The following PRKCB variants were observed in gnomAD, a reference collection of about 807,000 sequenced individuals.
The protein encoded by PRKCB is protein kinase C beta type.
In PRKCB, 13 loss-of-function variants were observed where a neutral mutation model predicts 81.5. The ratio of observed to expected loss-of-function variants is 0.16; its 90% CI spans 0.10 to 0.25. PRKCB has a LOEUF of 0.25. PRKCB is among the 10% of genes least tolerant of loss of function. The pLI, the probability that PRKCB is intolerant of heterozygous loss-of-function variation, is 1.00. For missense variants in PRKCB, 509 were observed against 875.7 expected (o/e 0.58, Z 5.29); for synonymous variants, 335 against 321.4 (o/e 1.04, Z -0.45).
chr16:24,053,000 C>T (rs1231500852), intron 5 of PRKCB, among the ~76,000 whole-genome samples: 1 of 152,202 alleles, frequency 6.6e-6, no homozygotes, highest in African/African-American at 2.4e-5. Context: ...ATTTTCAACT[C>T]TTTAAACTCT....
chr16:23,940,411 G>GA (rs1013317807), intron 2 of PRKCB, among the ~76,000 whole-genome samples: 162 of 148,612 alleles, frequency 1.1e-3, no homozygotes, highest in Middle Eastern at 3.4e-3. Flanking sequence ...AGCAAGCAAG[G>GA]AAAAAAAAAC....
chr16:23,869,027 G>T, intron 2 of PRKCB: 1 of 436,750 alleles, frequency 2.3e-6, no homozygotes, highest in Non-Finnish European at 4.6e-6. Context: ...GTGGTGGATT[G>T]TGTTGTTGTC....
intron 16 of PRKCB, among the ~76,000 whole-genome samples, chr16:24,201,443 C>A (rs1392064562): frequency 4.6e-5 from 7 of 152,088 alleles, no homozygotes; most frequent in Non-Finnish European, 8.8e-5. Flanking sequence ...ATAGCAACTC[C>A]CAATTTATGT....
At chr16:23,856,339 T>C (rs1236630746) in intron 2 of PRKCB, among the ~76,000 whole-genome samples, 1 of 152,194 alleles carries the variant, frequency 6.6e-6, no homozygotes, top group Non-Finnish European at 1.5e-5. Context: ...CCTTAACCCC[T>C]GTATCAGATT....
intron 16 of PRKCB, among the ~76,000 whole-genome samples, chr16:24,194,242 G>T (rs911067932): frequency 6.6e-6 from 1 of 152,000 alleles, no homozygotes; most frequent in Non-Finnish European, 1.5e-5. Context: ...ATAGAGAATC[G>T]CTTGAACCTG....
intron 16 of PRKCB, among the ~76,000 whole-genome samples, chr16:24,197,461 G>A (rs2141984159): frequency 6.6e-6 from 1 of 152,256 alleles, no homozygotes; most frequent in East Asian, 1.9e-4. Flanking sequence ...GGGAGAGCAA[G>A]GAGTGCAGGT....
intron 16 of PRKCB, among the ~76,000 whole-genome samples, chr16:24,198,650 T>G (rs933010232): frequency 8.5e-5 from 13 of 152,192 alleles, no homozygotes; most frequent in African/African-American, 3.1e-4. Context: ...CTGTGGAGTC[T>G]TAAGCGCTAA....
chr16:24,068,350 G>A (rs1966064007), intron 5 of PRKCB, among the ~76,000 whole-genome samples: 1 of 151,848 alleles, frequency 6.6e-6, no homozygotes, highest in Non-Finnish European at 1.5e-5. Flanking sequence ...GCCTTCCCTG[G>A]AAGCTTTGAT....
rs71379841 is a variant in PRKCB, at chr16:24,081,241, G to A, written c.530-11550G>A. Among the ~76,000 whole-genome samples, 582 of 151,354 alleles carry A rather than the reference G, an allele frequency of 3.8e-3. 2 individuals carry two copies. The highest frequency in any genetic ancestry group is 5.9e-3 in the Non-Finnish European group (401 of 67,930). On this transcript the variant is annotated intron_variant, in intron 5 of 16. Transcript: ENST00000643927. ...ACTCCGTCCAAATGAGTTTTATCCT[G>A]AGAATGCAAGCTGGCTTAATAATAA...
chr16:23,866,496 T>A (rs1962792615), intron 2 of PRKCB, among the ~76,000 whole-genome samples: 1 of 152,214 alleles, frequency 6.6e-6, no homozygotes, highest in African/African-American at 2.4e-5. Context: ...CCCAGAAGCC[T>A]ATTGTTTGTA....
intron 2 of PRKCB, among the ~76,000 whole-genome samples, chr16:23,919,922 C>T (rs548002054): frequency 6.6e-6 from 1 of 152,140 alleles, no homozygotes; most frequent in East Asian, 1.9e-4. Context: ...TTGGATTGCT[C>T]TCATCTTTTG....
At chr16:24,207,340 A>G (rs2141990895) in intron 16 of PRKCB, among the ~76,000 whole-genome samples, 1 of 152,356 alleles carries the variant, frequency 6.6e-6, no homozygotes, top group East Asian at 1.9e-4. Context: ...TTTTCTTATT[A>G]CAAAATAATA....
intron 5 of PRKCB, among the ~76,000 whole-genome samples, chr16:24,077,177 C>G (rs947966439): frequency 2.0e-5 from 3 of 151,814 alleles, no homozygotes; most frequent in African/African-American, 7.3e-5. Context: ...TTTGAAGATG[C>G]ACATGCACGT....
chr16:23,928,919 A>C (rs905006891), intron 2 of PRKCB, among the ~76,000 whole-genome samples: 45 of 152,022 alleles, frequency 3.0e-4, no homozygotes, highest in South Asian at 2.1e-4. Context: ...GGGTTTTGCC[A>C]TGTTGGCCAG....
chr16:23,924,891 A>G (rs1963875674), intron 2 of PRKCB, among the ~76,000 whole-genome samples: 1 of 152,150 alleles, frequency 6.6e-6, no homozygotes, highest in East Asian at 1.9e-4. Flanking sequence ...ACAAAACTGC[A>G]AAGTCTCCTT....
chr16:24,121,434 T>TA (rs1966797281), intron 8 of PRKCB, among the ~76,000 whole-genome samples: 1 of 152,206 alleles, frequency 6.6e-6, no homozygotes, highest in Non-Finnish European at 1.5e-5. Flanking sequence ...TGGAGTGCAA[T>TA]ACAGTGATCA....
At chr16:24,119,525 G>T (rs1019145407) in intron 8 of PRKCB, among the ~76,000 whole-genome samples, 1 of 152,106 alleles carries the variant, frequency 6.6e-6, no homozygotes, top group Non-Finnish European at 1.5e-5. Flanking sequence ...ACAGTCTGGA[G>T]AATGGAGACT....
intron 2 of PRKCB, among the ~76,000 whole-genome samples, chr16:23,846,099 A>G (rs1399177146): frequency 1.3e-5 from 2 of 152,182 alleles, no homozygotes; most frequent in African/African-American, 4.8e-5. Flanking sequence ...TCTTGTTCAG[A>G]AGATACTTTT....
At chr16:23,837,180 G>A (rs1425313210) in intron 1 of PRKCB, 195 bp from the exon 2 acceptor site, 1 of 718,418 alleles carries the variant, frequency 1.4e-6, no homozygotes, top group Non-Finnish European at 2.5e-6. Flanking sequence ...TTCTGCAGGA[G>A]TGAAGGCAGA....
Sources: gnomAD v4.1 joint callset for allele counts (sites outside exome capture counted in the v4.1 genomes callset) on GRCh38, gnomAD v4.1.1 for gene constraint, MANE v1.5 for transcripts, NCBI Gene and HGNC (gene_info 2026-07-23, HGNC 2026-07-21) for gene names.